Variants in ARHGAP25 observed in about 807,000 individuals in gnomAD.
ARHGAP25 encodes rho GTPase-activating protein 25.
A neutral mutation model predicts 71.0 loss-of-function variants in ARHGAP25; 34 were observed. The ratio of observed to expected loss-of-function variants is 0.48; its 90% CI spans 0.36 to 0.64. The LOEUF is 0.64. Ranked by LOEUF, ARHGAP25 falls within the 30% of genes least tolerant of loss-of-function variation. The probability of loss-of-function intolerance (pLI) is 0.00; values close to 1 mark genes in which losing one functional copy is unlikely to be tolerated. For synonymous variants in ARHGAP25, 282 were observed against 296.5 expected (o/e 0.95, Z 0.50); for missense variants, 706 against 805.1 (o/e 0.88, Z 1.49).
rs912804277 is a variant in ARHGAP25 at position 68,767,386 on chromosome 2, C to T, written c.62-7835C>T. 1.3e-5 allele frequency among the ~76,000 whole-genome samples: 2 copies of T among 151,234 alleles called. No homozygotes were observed. Among genetic ancestry groups the T allele is most frequent in the Non-Finnish European group, 2.9e-5 (2 of 67,920 alleles). ...GGGCCATCATCCCGCAGTCTGATAA[C>T]AGGATAGGTGGGGGGTCTGCATGTA... On this transcript the variant is annotated intron_variant, in intron 1 of 10. Transcript: ENST00000409202. This position sits in a 1 kb window ranked among gnomAD's most constrained non-coding sequence, Gnocchi z 4.6.
At chr2:68,740,797 C>T (rs998947985) in intron 1 of ARHGAP25, among the ~76,000 whole-genome samples, 85 of 152,298 alleles carry the variant, frequency 5.6e-4, no homozygotes, top group African/African-American at 1.9e-3. Flanking sequence ...GTTCTTAATA[C>T]GGTATGTAAC....
intron 4 of ARHGAP25, among the ~76,000 whole-genome samples, chr2:68,789,315 G>C (rs1378581030): frequency 6.6e-6 from 1 of 152,212 alleles, no homozygotes; most frequent in African/African-American, 2.4e-5. Context: ...TGGGATTACA[G>C]GCGTGAGCCA....
At chr2:68,733,595 G>A (rs1263006194), upstream of ARHGAP25, among the ~76,000 whole-genome samples, 1 of 152,170 alleles carries the variant, frequency 6.6e-6, no homozygotes, top group African/African-American at 2.4e-5. Context: ...TTAACAGCCA[G>A]TTCACCCATT....
At chr2:68,790,378 A>G (rs1378601061) in intron 4 of ARHGAP25, among the ~76,000 whole-genome samples, 3 of 152,222 alleles carry the variant, frequency 2.0e-5, no homozygotes, top group African/African-American at 7.2e-5. Context: ...GCCACTGGAC[A>G]AATCAGACAT....
rs1165348847 is a variant in ARHGAP25, at chr2:68,743,737, T to A, written c.61+8477T>A. ...TTTGATCTTGATTTTGGCACTGATC[T>A]TCTTCCTGTGAGCGTTCCTCATTCT... On this transcript the variant is annotated intron_variant, in intron 1 of 10. Transcript: ENST00000409202. 2.6e-5 allele frequency among the ~76,000 whole-genome samples: 4 copies of A among 152,104 alleles called. No individual in the cohort carries two copies. The East Asian group carries it at 7.7e-4, about 29-fold the overall frequency.
At position 68,780,699 on chromosome 2, in the gene ARHGAP25, C is replaced by G. The variant is rs868487829; in HGVS notation, c.262-1534C>G. On this transcript the variant is annotated intron_variant, in intron 2 of 10. Coordinates refer to ENST00000409202, the MANE Select transcript of ARHGAP25 (RefSeq NM_001007231.3). ...TGCCCTTTCTGTTCCTTCCCCTCCTCCTCCTCTTCCTTCTTGTCTTGTTCT... is the reference window on the plus strand; with the variant it reads ...TGCCCTTTCTGTTCCTTCCCCTCCTGCTCCTCTTCCTTCTTGTCTTGTTCT... Among the ~76,000 whole-genome samples the G allele has an allele frequency of 3.8e-4, 58 of 152,126 alleles. 1 individual carries two copies. The highest frequency in any genetic ancestry group is 6.6e-4 in the Non-Finnish European group (45 of 68,014).
At chr2:68,798,517 G>GA (rs10694150) in intron 4 of ARHGAP25, among the ~76,000 whole-genome samples, 121,848 of 146,802 alleles carry the variant, frequency 0.83, 50,864 homozygotes, top group Non-Finnish European at 0.88. Flanking sequence ...AGAGGAGAGA[G>GA]AAAAAAAAAA....
chr2:68,782,597 A>G (rs1390038173), intron 3 of ARHGAP25, among the ~76,000 whole-genome samples: 1 of 152,216 alleles, frequency 6.6e-6, no homozygotes, highest in Admixed American at 6.5e-5. Flanking sequence ...CAGTTACTGT[A>G]CAAGGCTCTG....
chr2:68,724,944 G>A (rs1004605746), intron 2 of ARHGAP25, among the ~76,000 whole-genome samples: 1 of 152,234 alleles, frequency 6.6e-6, no homozygotes, highest in Non-Finnish European at 1.5e-5. Flanking sequence ...TACCAGCAGA[G>A]CCTTTGCTGG....
At chr2:68,717,791 GT>G (rs1674649944) in intron 2 of ARHGAP25, among the ~76,000 whole-genome samples, 2 of 152,092 alleles carry the variant, frequency 1.3e-5, no homozygotes. Context: ...AAGTGTAGGG[GT>G]TTTTATGAGT....
intron 2 of ARHGAP25, among the ~76,000 whole-genome samples, chr2:68,726,949 C>T (rs1240722793): frequency 6.6e-6 from 1 of 152,004 alleles, no homozygotes; most frequent in African/African-American, 2.4e-5. Flanking sequence ...TCCATATACC[C>T]AAGGGAATGG....
At chr2:68,771,638 C>T (rs1467951836) in intron 1 of ARHGAP25, among the ~76,000 whole-genome samples, 2 of 152,150 alleles carry the variant, frequency 1.3e-5, no homozygotes, top group African/African-American at 4.8e-5. Context: ...TGGCTCTGCA[C>T]TTGGGATGGA....
chr2:68,773,268 A>G (rs985522219), intron 1 of ARHGAP25, among the ~76,000 whole-genome samples: 7 of 152,364 alleles, frequency 4.6e-5, no homozygotes, highest in African/African-American at 1.2e-4. Flanking sequence ...AAAGTATGCC[A>G]TGATTATAAA....
At chr2:68,733,906 A>G (rs1277490271), upstream of ARHGAP25, among the ~76,000 whole-genome samples, 2 of 152,204 alleles carry the variant, frequency 1.3e-5, no homozygotes, top group African/African-American at 4.8e-5. Flanking sequence ...AGTAAGCCCT[A>G]TTATTTGCCC....
intron 5 of ARHGAP25, among the ~76,000 whole-genome samples, chr2:68,810,735 T>TC (rs201312278): frequency 7.2e-6 from 1 of 139,554 alleles, no homozygotes; most frequent in East Asian, 2.1e-4. Flanking sequence ...TCTTCTCTTT[T>TC]TTTTTTTTTT....
intron 2 of ARHGAP25, among the ~76,000 whole-genome samples, chr2:68,717,141 A>G (rs1674628783): frequency 6.6e-6 from 1 of 152,238 alleles, no homozygotes; most frequent in Non-Finnish European, 1.5e-5. Context: ...AAATCTGTAT[A>G]GCGTGTTACT....
chr2:68,739,959 G>T (rs1046796233), intron 1 of ARHGAP25, among the ~76,000 whole-genome samples: 1 of 152,070 alleles, frequency 6.6e-6, no homozygotes, highest in Non-Finnish European at 1.5e-5. Flanking sequence ...ATATAACTTT[G>T]TCTTCTTTGA....
intron 1 of ARHGAP25, among the ~76,000 whole-genome samples, chr2:68,774,288 G>A (rs925147510): frequency 2.0e-5 from 3 of 152,140 alleles, no homozygotes; most frequent in South Asian, 4.1e-4. Context: ...GGTGATCGAT[G>A]GAGCGCTGTG....
chr2:68,735,627 T>A (rs1398554842), intron 1 of ARHGAP25: 1 of 239,700 alleles, frequency 4.2e-6, no homozygotes, highest in Non-Finnish European at 8.1e-6. Context: ...AAGACTAGAG[T>A]CTTTTGAAGT....
Sources: allele counts gnomAD v4.1 joint callset (sites outside exome capture counted in the v4.1 genomes callset), GRCh38; gene constraint gnomAD v4.1.1; non-coding constraint Gnocchi (gnomAD v3.1); transcripts MANE v1.5; gene names NCBI Gene and HGNC (gene_info 2026-07-23, HGNC 2026-07-21).